The following MGAM variants were observed in gnomAD, a reference collection of about 807,000 sequenced individuals.
MGAM encodes alpha-1,4-glucosidase.
Under a neutral mutation model 358.8 loss-of-function variants are expected in MGAM, and 253 were observed. The observed-to-expected ratio is 0.71, with a 90% confidence interval of 0.64 to 0.78. MGAM has a LOEUF of 0.78. MGAM is among the 30% of genes least tolerant of loss of function. MGAM has a pLI of 0.00. For synonymous variants in MGAM, 1,105 were observed against 1,227.1 expected (o/e 0.90, Z 2.08); for missense variants, 3,080 against 3,432.6 (o/e 0.90, Z 2.57).
At chr7:142,042,919 CATATAATATCTAAATATAATATATAT>C (rs1563149411) in intron 21 of MGAM, among the ~76,000 whole-genome samples, 731 of 43,856 alleles carry the variant, frequency 0.017, 49 homozygotes, top group Middle Eastern at 0.067. Context: ...ATTATATATA[CATATAATATCTAAATATAATATATAT>C]ATTATATATA....
intron 4 of MGAM, among the ~76,000 whole-genome samples, chr7:142,019,804 C>T (rs1563117751): frequency 1.3e-5 from 2 of 152,204 alleles, no homozygotes; most frequent in African/African-American, 2.4e-5. Flanking sequence ...CACAGTGGCT[C>T]ATGCCTGTAA....
chr7:142,100,630 A>G (rs1176113462), intron 67 of MGAM, among the ~76,000 whole-genome samples, 172 bp from the exon 68 acceptor site: 4 of 152,244 alleles, frequency 2.6e-5, no homozygotes, highest in Non-Finnish European at 5.9e-5. Context: ...ATATGAAGTC[A>G]TAGAGCCAGA....
intron 47 of MGAM, among the ~76,000 whole-genome samples, chr7:142,077,536 T>G (rs1813846526): frequency 6.9e-6 from 1 of 145,684 alleles, no homozygotes; most frequent in Admixed American, 6.9e-5. Context: ...ATATTTGAAT[T>G]AATAGGATTC....
At chr7:142,080,724 A>C in intron 49 of MGAM, 67 bp from the exon 50 acceptor site, 7 of 1,339,912 alleles carry the variant, frequency 5.2e-6, no homozygotes, top group Non-Finnish European at 6.1e-6. Flanking sequence ...AAAATCAAAA[A>C]GGTTCTGCTA....
chr7:142,037,007 T>A, intron 18 of MGAM, 30 bp downstream of exon 18: 1 of 1,594,252 alleles, frequency 6.3e-7, no homozygotes, highest in Non-Finnish European at 8.6e-7. Context: ...TTAAATTTTA[T>A]TAATGCATCT....
chr7:142,045,188 A>C (rs1297636326), intron 21 of MGAM, among the ~76,000 whole-genome samples: 1 of 41,884 alleles, frequency 2.4e-5, no homozygotes, highest in Non-Finnish European at 3.9e-5. Flanking sequence ...AACATATATG[A>C]TATATAATAT....
In MGAM at chr7:142,074,178, G is replaced by T; in HGVS notation, c.5275+5G>T. 6.6e-7 allele frequency: 1 copy of T among 1,514,112 alleles called. No individual in the cohort carries two copies. The highest frequency in any genetic ancestry group is 9.1e-7 in the Non-Finnish European group (1 of 1,103,404). 93.8% of individuals were successfully genotyped at this position (1,514,112 alleles called of 1,614,324 possible). A position where few individuals can be genotyped will look rare whatever the true frequency, so the allele number is the denominator to read the frequency against. On this transcript the variant is annotated splice_donor_5th_base_variant and intron_variant, in intron 45 of 70. Coordinates refer to ENST00000475668, the MANE Select transcript of MGAM (RefSeq NM_001365693.1). Reference sequence around the variant, plus strand: ...GGGATGATGGGCAAACAAAGGGTGAGCGCTGTTACAATAATGTTGCTGTTT... The same window carrying T: ...GGGATGATGGGCAAACAAAGGGTGATCGCTGTTACAATAATGTTGCTGTTT...
intron 7 of MGAM, among the ~76,000 whole-genome samples, chr7:142,023,527 A>G (rs1554459836): frequency 1.3e-5 from 2 of 152,142 alleles, no homozygotes; most frequent in East Asian, 1.9e-4. Context: ...TTCTTGTTAG[A>G]AAAAACCAAG....
chr7:142,097,766 A>G (rs578028475), intron 66 of MGAM, 117 bp downstream of exon 66: 31 of 1,069,108 alleles, frequency 2.9e-5, no homozygotes, highest in Middle Eastern at 5.9e-4. Flanking sequence ...GTGTGGTCTT[A>G]GAGAAGCCAC....
rs796738780 is a variant in MGAM at position 142,078,872 on chromosome 7, T to G, written c.5711T>G (p.Val1904Gly). ...FVNDLYSVSD[V>G]QYNSHGATAD... ...AACGACCTATACTCTGTCAGTGATG[T>G]TCAGTATAACTCCCATGGGGCCACA... The change falls in exon 49 of 71, where the codon GTT (valine) becomes GGT (glycine). Residue 1904 changes from valine (V) to glycine (G), a missense_variant. By Grantham distance (109) the Val-to-Gly change is moderately radical. Around this residue, in one of 5 missense-constraint regions of MGAM, gnomAD observed 932 missense variants for 1,198.2 expected, o/e 0.78. Coordinates refer to ENST00000475668, the MANE Select transcript of MGAM (RefSeq NM_001365693.1). 3.9e-6 allele frequency: 6 copies of G among 1,555,782 alleles called. No individual in the cohort carries two copies. The highest frequency in any genetic ancestry group is 1.3e-5 in the African/African-American group (1 of 74,594).
In MGAM at chr7:142,065,963, G is replaced by GTTT. The variant is rs1218271387; in HGVS notation, c.4770+134_4770+136dup. ...AAGGTGTTTTTTTTTGTTTTGTTTT[G>GTTT]TTTTGTTTTTTTTTTTGAAACAGGG... On this transcript the variant is annotated intron_variant, in intron 40 of 70. Coordinates refer to ENST00000475668, the MANE Select transcript of MGAM (RefSeq NM_001365693.1). 17 of 760,470 alleles carry GTTT rather than the reference G, an allele frequency of 2.2e-5. No homozygotes were observed. The African/African-American group carries it at 2.8e-4, about 13-fold the overall frequency. The allele number at this position is 760,470 out of a possible 1,614,324, so 47.1% of individuals were successfully genotyped here.
intron 34 of MGAM, among the ~76,000 whole-genome samples, 180 bp downstream of exon 34, chr7:142,060,553 G>A (rs1251296184): frequency 6.6e-6 from 1 of 152,242 alleles, no homozygotes. Flanking sequence ...TACTTTACTG[G>A]CCACTGGGAT....
intron 7 of MGAM, 125 bp from the exon 8 acceptor site, chr7:142,024,925 T>C (rs1806808065): frequency 1.6e-6 from 1 of 637,196 alleles, no homozygotes; most frequent in African/African-American, 1.8e-5. Context: ...TAAAAATGTG[T>C]CTTTATGACC....
chr7:142,093,465 C>T lies in MGAM; in HGVS notation c.7087C>T (p.Gln2363Ter). Reference sequence around the variant, plus strand: ...CAGCAAGACCCTGTGCATGGAGAGTCAGCAGATCCTCCCAGACGGCTCCCC... The same window carrying T: ...CAGCAAGACCCTGTGCATGGAGAGTTAGCAGATCCTCCCAGACGGCTCCCC... ...LSSKTLCMESQQILPDGSPVQ... is the reference protein window; with the variant it reads ...LSSKTLCMES Residue 2363 changes from glutamine (Q) to a stop codon, truncating the protein, a stop_gained, in exon 60 of 71, where the codon CAG becomes TAG. Coordinates refer to ENST00000475668, the MANE Select transcript of MGAM (RefSeq NM_001365693.1). LOFTEE classifies it high-confidence loss of function. 8 of 1,533,670 alleles carry T rather than the reference C, an allele frequency of 5.2e-6. 1 individual carries two copies. Among genetic ancestry groups the T allele is most frequent in the Non-Finnish European group, 7.1e-6 (8 of 1,121,088 alleles).
Position 142,062,693 on chromosome 7 carries a change from C to T in MGAM, c.4248C>T (p.Gly1416=), listed in dbSNP as rs757885438. The part of the protein sequence containing the change: ...QNPERSLKFD[G]MWIDMNEPSS... ...CAGAGAGGAGCTTGAAGTTTGATGG[C>T]ATGTGGATTGTAAGTGTGTGTGTGT... Residue 1416 remains glycine, a synonymous_variant, in exon 35 of 71, where the codon GGC becomes GGT. Transcript: ENST00000475668. 6.2e-7 allele frequency: 1 copy of T among 1,608,914 alleles called. No individual in the cohort carries two copies. The highest frequency in any genetic ancestry group is 1.7e-5 in the Admixed American group (1 of 59,088).
chr7:142,052,227 A>T (rs1777193030), intron 24 of MGAM, 67 bp from the exon 25 acceptor site: 1 of 1,379,802 alleles, frequency 7.2e-7, no homozygotes, highest in East Asian at 2.5e-5. Flanking sequence ...ATCGAAAAAA[A>T]AACCTCAGGT....
At chr7:141,988,349 A>C (rs1554446627) in intron 2 of MGAM, among the ~76,000 whole-genome samples, 3 of 150,854 alleles carry the variant, frequency 2.0e-5, no homozygotes, top group Non-Finnish European at 4.5e-5. Flanking sequence ...AGTGTCACAC[A>C]ATGCAAAGTT....
intron 31 of MGAM, 130 bp downstream of exon 31, chr7:142,058,458 C>T (rs1458522093): frequency 6.8e-7 from 1 of 1,480,144 alleles, no homozygotes; most frequent in Non-Finnish European, 9.1e-7. Context: ...TCACAGTTAG[C>T]CTCACCCCAG....
intron 8 of MGAM, among the ~76,000 whole-genome samples, chr7:142,025,987 G>T (rs1384148153): frequency 6.6e-6 from 1 of 152,108 alleles, no homozygotes; most frequent in Non-Finnish European, 1.5e-5. Flanking sequence ...GTTTTAGATA[G>T]GTGAAAGGAA....
Sources: gnomAD v4.1 joint callset for allele counts (sites outside exome capture counted in the v4.1 genomes callset) on GRCh38, gnomAD v4.1.1 for gene constraint, gnomAD v4.1.1 regional missense constraint, MANE v1.5 for transcripts, NCBI Gene and HGNC (gene_info 2026-07-23, HGNC 2026-07-21) for gene names.